Variants in EBF4 observed in about 807,000 individuals in gnomAD.
EBF4 encodes the protein EBF transcription factor 4, also known as transcription factor COE4.
EBF4 carries 34 observed loss-of-function variants against 67.1 expected under a neutral mutation model. That is an observed-to-expected ratio of 0.51 (90% CI 0.39 to 0.67). The LOEUF (loss-of-function observed/expected upper bound fraction) is 0.67, where lower values mean the gene tolerates loss of function less well. EBF4 is among the 30% of genes least tolerant of loss of function. EBF4 has a pLI of 0.00. For synonymous variants in EBF4, 387 were observed against 377.7 expected (o/e 1.02, Z -0.29); for missense variants, 837 against 873.3 (o/e 0.96, Z 0.52).
chr20:2,748,034 G>A (rs1266768733), intron 6 of EBF4, among the ~76,000 whole-genome samples: 1 of 152,148 alleles, frequency 6.6e-6, no homozygotes, highest in Non-Finnish European at 1.5e-5. Context: ...TGTGGGTGAT[G>A]GGTATACTCT....
At position 2,711,179 on chromosome 20, in the gene EBF4, A is replaced by AATAATAATAATAAAATT. The variant is rs962080100; in HGVS notation, c.557+1538_557+1539insTAATAATAATAAAATTA. On this transcript the variant is annotated intron_variant, in intron 6 of 16. Coordinates refer to ENST00000609451, the Ensembl canonical transcript of EBF4. ...TAATAATAATAATAATAATAATAAT[A>AATAATAATAATAAAATT]AAATTAAATTAAAATTAAAATGGTG... Among the ~76,000 whole-genome samples, 24 of 149,656 alleles carry AATAATAATAATAAAATT rather than the reference A, an allele frequency of 1.6e-4. No homozygotes were observed. The South Asian group carries it at 3.0e-3, about 18-fold the overall frequency.
At chr20:2,722,840 A>G (rs2087699874) in intron 6 of EBF4, among the ~76,000 whole-genome samples, 1 of 152,230 alleles carries the variant, frequency 6.6e-6, no homozygotes, top group Non-Finnish European at 1.5e-5. Flanking sequence ...TGGCTAGAGC[A>G]GAAGTGTGTT....
At chr20:2,715,785 G>A (rs1209229328) in intron 6 of EBF4, among the ~76,000 whole-genome samples, 9 of 152,066 alleles carry the variant, frequency 5.9e-5, no homozygotes, top group Non-Finnish European at 1.2e-4. Flanking sequence ...GTTGCACTCC[G>A]TCGCCCAGGC....
At chr20:2,749,309 A>G (rs1413811498) in intron 7 of EBF4, 92 bp from the exon 8 acceptor site, 3 of 965,756 alleles carry the variant, frequency 3.1e-6, no homozygotes, top group Non-Finnish European at 4.5e-6. Flanking sequence ...CCAGCATCCA[A>G]CCACCAGCCT....
chr20:2,721,894 T>C (rs532921055), intron 6 of EBF4, among the ~76,000 whole-genome samples: 1 of 152,244 alleles, frequency 6.6e-6, no homozygotes. Flanking sequence ...GATCTTTTTT[T>C]AAGCATCTTG....
intron 1 of EBF4, 37 bp from the exon 2 acceptor site, chr20:2,705,540 G>A (rs2087440336): frequency 1.9e-6 from 3 of 1,551,570 alleles, no homozygotes; most frequent in African/African-American, 1.4e-5. Flanking sequence ...TCACTGGGGG[G>A]CCTTCCAGTG....
At chr20:2,699,213 C>T (rs985585107) in intron 1 of EBF4, among the ~76,000 whole-genome samples, 2 of 152,220 alleles carry the variant, frequency 1.3e-5, no homozygotes, top group Non-Finnish European at 2.9e-5. Context: ...CATCTCCCCA[C>T]AGGCATCTGC....
intron 6 of EBF4, among the ~76,000 whole-genome samples, chr20:2,729,968 C>G (rs1013706352): frequency 6.6e-6 from 1 of 152,164 alleles, no homozygotes; most frequent in African/African-American, 2.4e-5. Context: ...GTGGATCCCA[C>G]TCTGTGGCAA....
At chr20:2,701,068 G>A (rs2087368040) in intron 1 of EBF4, among the ~76,000 whole-genome samples, 1 of 152,214 alleles carries the variant, frequency 6.6e-6, no homozygotes, top group South Asian at 2.1e-4. Flanking sequence ...GGTTGGAAGG[G>A]GCGGGGGCCG....
chr20:2,745,980 A>T lies in EBF4; in HGVS notation c.558-2569A>T, dbSNP rs933974664. On this transcript the variant is annotated intron_variant, in intron 6 of 16. Coordinates refer to ENST00000609451, the Ensembl canonical transcript of EBF4. The surrounding 1 kb of genome is among the most constrained non-coding windows in gnomAD (Gnocchi z 5.2). The stretch of plus-strand genomic sequence containing the variant: ...CTTCAATCCCTTTAGGACAGAGACC[A>T]TGCCCCATCCTGGTGTTTTTCCCTC... Among the ~76,000 whole-genome samples, 4 of 152,172 alleles carry T rather than the reference A, an allele frequency of 2.6e-5. No individual in the cohort carries two copies. The highest frequency in any genetic ancestry group is 4.4e-5 in the Non-Finnish European group (3 of 68,026).
At chr20:2,750,939 G>A (rs541088097) in intron 10 of EBF4, among the ~76,000 whole-genome samples, 1 of 152,298 alleles carries the variant, frequency 6.6e-6, no homozygotes, top group African/African-American at 2.4e-5. Context: ...AATCCACTAA[G>A]TCAGGATCAG....
At chr20:2,697,412 G>A (rs1285844428) in intron 1 of EBF4, among the ~76,000 whole-genome samples, 1 of 149,192 alleles carries the variant, frequency 6.7e-6, no homozygotes, top group Admixed American at 6.7e-5. Flanking sequence ...GGGCGTGGTG[G>A]CGGGCGCCTG....
At chr20:2,750,610 C>T (rs2088129251) in intron 10 of EBF4, among the ~76,000 whole-genome samples, 1 of 152,092 alleles carries the variant, frequency 6.6e-6, no homozygotes, top group African/African-American at 2.4e-5. Flanking sequence ...GCAGTCCCCA[C>T]CATCGCGCAG....
Position 2,751,928 on chromosome 20 carries a change from C to T in EBF4, c.1114C>T (p.Leu372=), listed in dbSNP as rs2088154033. ...TCTCTCCCCCTGTCCCCAGGAAGTG[C>T]TGCTGAAGCGGGCGGCCGACTTGGC... The change falls in exon 12 of 17, where the codon CTG becomes TTG. Residue 372 remains leucine, a synonymous_variant. Transcript: ENST00000609451. The surrounding 1 kb of genome is among the most constrained non-coding windows in gnomAD (Gnocchi z 5.2). 1 of 1,549,358 alleles carries T rather than the reference C, an allele frequency of 6.5e-7. No individual in the cohort carries two copies. Among genetic ancestry groups the T allele is most frequent in the African/African-American group, 1.4e-5 (1 of 73,148 alleles).
chr20:2,706,214 C>T, exon 4 of EBF4: 4 of 1,552,186 alleles, frequency 2.6e-6, no homozygotes, highest in African/African-American at 2.7e-5. Flanking sequence ...CCTAGGACTG[C>T]GGACAGAGCA....
At chr20:2,711,831 A>T (rs573126134) in intron 6 of EBF4, among the ~76,000 whole-genome samples, 1 of 152,258 alleles carries the variant, frequency 6.6e-6, no homozygotes, top group South Asian at 2.1e-4. Flanking sequence ...GCCATTGAGG[A>T]AGATCTGGGA....
At chr20:2,741,364 A>G (rs61045353) in intron 6 of EBF4, among the ~76,000 whole-genome samples, 3 of 152,026 alleles carry the variant, frequency 2.0e-5, no homozygotes, top group Non-Finnish European at 4.4e-5. Flanking sequence ...GAAAACCTAG[A>G]ATTTAACAGT....
intron 6 of EBF4, among the ~76,000 whole-genome samples, chr20:2,721,396 T>C (rs116193484): frequency 0.018 from 2,686 of 152,178 alleles, 76 homozygotes; most frequent in African/African-American, 0.06. Context: ...TCTCAGACAT[T>C]GTAGTTTTTA....
intron 5 of EBF4, among the ~76,000 whole-genome samples, chr20:2,709,139 A>G (rs1277719125): frequency 1.3e-5 from 2 of 152,206 alleles, no homozygotes; most frequent in Non-Finnish European, 2.9e-5. Context: ...GTGAGCCAAC[A>G]TCACGTCACT....
Sources: allele counts gnomAD v4.1 joint callset (sites outside exome capture counted in the v4.1 genomes callset), GRCh38; gene constraint gnomAD v4.1.1; non-coding constraint Gnocchi (gnomAD v3.1); transcripts MANE v1.5; gene names NCBI Gene and HGNC (gene_info 2026-07-23, HGNC 2026-07-21).